AP2A1: variants seen among roughly 807,000 people sequenced by gnomAD.
AP2A1 encodes AP-2 complex subunit alpha-1.
Under a neutral mutation model 107.3 loss-of-function variants are expected in AP2A1, and 21 were observed. The ratio of observed to expected loss-of-function variants is 0.20; its 90% CI spans 0.14 to 0.28. The LOEUF (loss-of-function observed/expected upper bound fraction) is 0.28. AP2A1 is among the 10% of genes least tolerant of loss of function. The pLI is 1.00. For missense variants in AP2A1, 873 were observed against 1,307.7 expected (o/e 0.67, Z 5.13); for synonymous variants, 602 against 564.8 (o/e 1.07, Z -0.93).
Position 49,801,815 on chromosome 19 carries a change from G to A in AP2A1, c.1879G>A (p.Ala627Thr). Residue 627 changes from alanine to threonine, a missense_variant, in exon 14 of 23, where the codon GCC (alanine) becomes ACC (threonine). Around this residue, in one of 4 missense-constraint regions of AP2A1, gnomAD observed 416 missense variants for 473.4 expected, o/e 0.88. Transcript: ENST00000354293. ...CAAGAAGGGGCCAGGGGCCGGCAGC[G>A]CCCTGGACGATGGCCGGAGGGACCC... ...KRKKGPGAGSALDDGRRDPSS... is the reference protein window; with the variant it reads ...KRKKGPGAGSTLDDGRRDPSS... The A allele has an allele frequency of 3.2e-6, 5 of 1,540,056 alleles. No homozygotes were observed. Among genetic ancestry groups the A allele is most frequent in the East Asian group, 4.6e-5 (2 of 43,104 alleles).
At chr19:49,790,547 C>G in intron 4 of AP2A1, among the ~76,000 whole-genome samples, 1 of 152,144 alleles carries the variant, frequency 6.6e-6, no homozygotes, top group South Asian at 2.1e-4. Context: ...TACAGGCATG[C>G]GCCACCACGC....
rs1340433262 is a variant in AP2A1 at position 49,792,011 on chromosome 19, C to T, written c.550C>T (p.Pro184Ser). The change falls in exon 5 of 23, where the codon CCC (proline) becomes TCC (serine). Residue 184 changes from proline to serine, a missense_variant. Pro to Ser is a moderately conservative substitution (Grantham distance 74). This residue lies in a region of AP2A1 where 157 missense variants were observed against 212.6 expected (regional missense o/e 0.74). Transcript: ENST00000354293. ...RLYKASPDLV[P>S]MGEWTARVVH... ...GTACAAGGCCTCGCCTGACCTGGTG[C>T]CCATGGGCGAGTGGACGGCGCGTGT... 6.2e-7 allele frequency: 1 copy of T among 1,612,904 alleles called. No homozygotes were observed. The highest frequency in any genetic ancestry group is 1.7e-5 in the Admixed American group (1 of 59,920).
chr19:49,793,751 C>T (rs2073174976), intron 6 of AP2A1, among the ~76,000 whole-genome samples: 1 of 152,080 alleles, frequency 6.6e-6, no homozygotes, highest in African/African-American at 2.4e-5. Flanking sequence ...CTTAACACAG[C>T]CTGTGAGTCC....
At position 49,801,937 on chromosome 19, in the gene AP2A1, TGC is replaced by T. The variant is rs2073286733; in HGVS notation, c.1954-43_1954-42del. 5.5e-6 allele frequency: 8 copies of T among 1,458,122 alleles called. No individual in the cohort carries two copies. The South Asian group carries it at 1.2e-4, about 21-fold the overall frequency. The allele number at this position is 1,458,122 out of a possible 1,614,324, so 90.3% of individuals were successfully genotyped here. A position where few individuals can be genotyped will look rare whatever the true frequency, so the allele number is the denominator to read the frequency against. On this transcript the variant is annotated intron_variant, in intron 14 of 22. Coordinates refer to ENST00000354293, the MANE Select transcript of AP2A1 (RefSeq NM_130787.3). ...TGCCAGGGTGCCTGGGGCTGGGTCC[TGC>T]CGGGCGCCGCCTGTCCTCACCGTGA...
chr19:49,802,162 G>C lies in AP2A1; in HGVS notation c.2114+21G>C, dbSNP rs770328977. The C allele has an allele frequency of 1.5e-5, 23 of 1,535,882 alleles. No homozygotes were observed. In the African/African-American group the frequency reaches 3.0e-4, roughly 20 times the overall value. ...CTCAGGTAGCACCCCCTGGGCCCGG[G>C]CCCCTTCTCGCGGCCACCCCCAGGG... is the stretch of plus-strand genomic sequence containing the variant. On this transcript the variant is annotated intron_variant, in intron 15 of 22. Coordinates refer to ENST00000354293, the MANE Select transcript of AP2A1 (RefSeq NM_130787.3).
intron 4 of AP2A1, among the ~76,000 whole-genome samples, chr19:49,784,659 C>A (rs1600224634): frequency 1.3e-5 from 2 of 152,236 alleles, no homozygotes; most frequent in South Asian, 2.1e-4. Flanking sequence ...GGGAGGATCA[C>A]TTGAGGCCGG....
At position 49,802,971 on chromosome 19, in the gene AP2A1, C is replaced by T. The variant is rs775119676; in HGVS notation, c.2137C>T (p.Pro713Ser). 1.9e-6 allele frequency: 3 copies of T among 1,613,360 alleles called. No homozygotes were observed. The Admixed American group carries it at 5.0e-5, about 27-fold the overall frequency. Residue 713 changes from proline to serine, a missense_variant, in exon 16 of 23, where the codon CCT (proline) becomes TCT (serine). Pro to Ser is a moderately conservative substitution (Grantham distance 74). Coordinates refer to ENST00000354293, the MANE Select transcript of AP2A1 (RefSeq NM_130787.3). ...FLSPGPEDIG[P>S]PIPEADELLN... is the part of the protein sequence containing the mutation. ...CAGCCCAGGTCCTGAGGACATCGGC[C>T]CTCCCATTCCGGAAGCCGATGAGTT... is the stretch of plus-strand genomic sequence containing the variant.
intron 4 of AP2A1, among the ~76,000 whole-genome samples, chr19:49,789,911 A>G (rs2073121283): frequency 6.6e-6 from 1 of 151,958 alleles, no homozygotes; most frequent in Non-Finnish European, 1.5e-5. Flanking sequence ...GAACAACATC[A>G]TGCTCCATGC....
At position 49,805,560 on chromosome 19, in the gene AP2A1, C is replaced by G; in HGVS notation, c.2452C>G (p.Leu818Val). The G allele has an allele frequency of 6.3e-7, 1 of 1,578,218 alleles. No individual in the cohort carries two copies. Among genetic ancestry groups the G allele is most frequent in the Non-Finnish European group, 8.6e-7 (1 of 1,162,230 alleles). The part of the protein sequence containing the change: ...CLRDFLTPPL[L>V]SVRFRYGGAP... Reference sequence around the variant, plus strand: ...GCGGGACTTCCTGACGCCCCCGCTGCTGTCCGTGCGCTTCCGGTGAGTCAG... The same window carrying G: ...GCGGGACTTCCTGACGCCCCCGCTGGTGTCCGTGCGCTTCCGGTGAGTCAG... Residue 818 changes from leucine to valine, a missense_variant, in exon 19 of 23, where the codon CTG (leucine) becomes GTG (valine). Physicochemically the swap from Leu to Val is conservative, Grantham distance 32. This residue lies in a region of AP2A1 where 416 missense variants were observed against 473.4 expected (regional missense o/e 0.88). Transcript: ENST00000354293.
chr19:49,799,442 T>A lies in AP2A1; in HGVS notation c.1081T>A (p.Phe361Ile), dbSNP rs1568585884. 1 of 1,611,464 alleles carries A rather than the reference T, an allele frequency of 6.2e-7. No individual in the cohort carries two copies. The change falls in exon 9 of 23, where the codon TTC becomes ATC. Residue 361 changes from phenylalanine (F) to isoleucine (I), a missense_variant. Physicochemically the swap from Phe to Ile is conservative, Grantham distance 21. Coordinates refer to ENST00000354293, the MANE Select transcript of AP2A1 (RefSeq NM_130787.3). ...ESMCTLASSE[F>I]SHEAVKTHID... Reference sequence around the variant, plus strand: ...CATGTGCACGCTGGCCAGCTCCGAGTTCTCCCATGAAGCCGTCAAGACGCA... The same window carrying A: ...CATGTGCACGCTGGCCAGCTCCGAGATCTCCCATGAAGCCGTCAAGACGCA...
At chr19:49,795,129 C>T (rs773642050) in intron 6 of AP2A1, among the ~76,000 whole-genome samples, 4 of 152,202 alleles carry the variant, frequency 2.6e-5, no homozygotes, top group Non-Finnish European at 5.9e-5. Context: ...GGAGCCGGTG[C>T]GCTGTGTGCT....
rs1349803738 is a variant in AP2A1 at position 49,798,964 on chromosome 19, G to A, written c.965+12G>A. On this transcript the variant is annotated intron_variant, in intron 8 of 22. Coordinates refer to ENST00000354293, the MANE Select transcript of AP2A1 (RefSeq NM_130787.3). ...ATCCACTATGACAGGTGCCCGCCTG[G>A]GCCTATCAGGGCCTGATGCCTGGGG... The A allele has an allele frequency of 3.2e-6, 5 of 1,551,666 alleles. No individual in the cohort carries two copies. Among genetic ancestry groups the A allele is most frequent in the Non-Finnish European group, 3.5e-6 (4 of 1,147,036 alleles).
At chr19:49,769,217 C>T (rs771401351) in intron 1 of AP2A1, among the ~76,000 whole-genome samples, 4 of 151,816 alleles carry the variant, frequency 2.6e-5, no homozygotes, top group Non-Finnish European at 5.9e-5. Context: ...CACCATTGCA[C>T]TCCAGGCTGG....
intron 6 of AP2A1, among the ~76,000 whole-genome samples, chr19:49,794,767 A>G (rs1208621921): frequency 2.0e-5 from 3 of 151,934 alleles, no homozygotes; most frequent in South Asian, 2.1e-4. Context: ...GGTTCAAGCA[A>G]TTCTCCTGCC....
chr19:49,773,003 T>G (rs1600214614), intron 1 of AP2A1, among the ~76,000 whole-genome samples: 1 of 147,560 alleles, frequency 6.8e-6, no homozygotes, highest in South Asian at 2.2e-4. Context: ...GAGGAGGAGG[T>G]GGGGAGAGGC....
intron 11 of AP2A1, chr19:49,800,729 C>T: frequency 6.7e-6 from 3 of 447,204 alleles, no homozygotes; most frequent in Non-Finnish European, 1.2e-5. Context: ...CCTCGGCCTC[C>T]CAAAGTACCA....
rs373122162 is a variant in AP2A1 at position 49,801,555 on chromosome 19, C to T, written c.1719C>T (p.Asp573=). 12 of 1,613,290 alleles carry T rather than the reference C, an allele frequency of 7.4e-6. No homozygotes were observed. Among genetic ancestry groups the T allele is most frequent in the African/African-American group, 5.3e-5 (4 of 74,966 alleles). ...CCGGCTCCCAGCTGCGCAATGCTGA[C>T]GTGGAGCTGCAGCAGCGAGCCGTGG... ...LRAGSQLRNA[D]VELQQRAVEY... is the part of the protein sequence containing the mutation. Residue 573 remains aspartate (D), a synonymous_variant, in exon 13 of 23, where the codon GAC becomes GAT. Transcript: ENST00000354293.
chr19:49,790,075 A>G (rs1223444334), intron 4 of AP2A1, among the ~76,000 whole-genome samples: 1 of 152,204 alleles, frequency 6.6e-6, no homozygotes, highest in African/African-American at 2.4e-5. Flanking sequence ...AGCGGTGTCA[A>G]ACACCGGTTC....
intron 1 of AP2A1, among the ~76,000 whole-genome samples, chr19:49,776,436 C>T (rs954151333): frequency 2.6e-5 from 4 of 152,124 alleles, no homozygotes; most frequent in African/African-American, 7.2e-5. Context: ...CTCTCAGCCC[C>T]GAAATGTGTA....
Sources: gnomAD v4.1 joint callset for allele counts (sites outside exome capture counted in the v4.1 genomes callset) on GRCh38, gnomAD v4.1.1 for gene constraint, gnomAD v4.1.1 regional missense constraint, MANE v1.5 for transcripts, NCBI Gene and HGNC (gene_info 2026-07-23, HGNC 2026-07-21) for gene names.